PCDHGB3: variants seen among roughly 807,000 people sequenced by gnomAD.
PCDHGB3 encodes the protein protocadherin gamma subfamily B, 3.
Under a neutral mutation model 59.2 loss-of-function variants are expected in PCDHGB3, and 40 were observed. The ratio of observed to expected loss-of-function variants is 0.68; its 90% CI spans 0.52 to 0.88. The LOEUF (loss-of-function observed/expected upper bound fraction) is 0.88, where lower values mean the gene tolerates loss of function less well. Among genes scored for constraint, PCDHGB3 ranks in the 40% least tolerant of loss-of-function variants. PCDHGB3 has a pLI of 0.00. For missense variants in PCDHGB3, 1,309 were observed against 1,187.9 expected, an observed-to-expected ratio of 1.10 and a Z score of -1.50; for synonymous variants, 581 against 503.6, an observed-to-expected ratio of 1.15 and a Z score of -2.06.
At chr5:141,420,625 T>C (rs1440415745) in intron 1 of PCDHGB3, among the ~76,000 whole-genome samples, 1 of 152,242 alleles carries the variant, frequency 6.6e-6, no homozygotes, top group Non-Finnish European at 1.5e-5. Flanking sequence ...CTTCATTTAC[T>C]CAATAAAGGA....
chr5:141,416,006 G>A, intron 1 of PCDHGB3: 1 of 253,216 alleles, frequency 3.9e-6, no homozygotes, highest in Non-Finnish European at 7.3e-6. Context: ...GGTCTGGTAA[G>A]AATAGGTAAG....
At chr5:141,375,731 C>G in intron 1 of PCDHGB3, 2 of 1,614,256 alleles carry the variant, frequency 1.2e-6, no homozygotes, top group Non-Finnish European at 1.7e-6. Context: ...GTCACTGAGC[C>G]TGTTTGTGCT....
chr5:141,431,356 C>T lies in PCDHGB3; in HGVS notation c.2415+58547C>T. ...ACCCCGAATTGGTGCTGAAACGCGC[C>T]CTGGACCGCGAAGAAAAGGCTGCTC... On this transcript the variant is annotated intron_variant, in intron 1 of 3. Transcript: ENST00000576222. This position sits in a 1 kb window ranked among gnomAD's most constrained non-coding sequence, Gnocchi z 4.8. 6.2e-7 allele frequency: 1 copy of T among 1,614,004 alleles called. No individual in the cohort carries two copies. The highest frequency in any genetic ancestry group is 8.5e-7 in the Non-Finnish European group (1 of 1,180,026).
At chr5:141,510,900 G>A in intron 3 of PCDHGB3, 47 bp from the exon 4 acceptor site, 6 of 1,613,378 alleles carry the variant, frequency 3.7e-6, no homozygotes, top group Non-Finnish European at 5.1e-6. Context: ...AGTGACTGTT[G>A]AGGACCCTAA....
intron 1 of PCDHGB3, among the ~76,000 whole-genome samples, chr5:141,402,305 A>AT (rs2150927260): frequency 6.6e-6 from 1 of 152,140 alleles, no homozygotes; most frequent in South Asian, 2.1e-4. Flanking sequence ...GTATTAATAC[A>AT]ATTATATATT....
chr5:141,490,793 C>T lies in PCDHGB3; in HGVS notation c.2416-4014C>T, dbSNP rs2233608. 6 of 1,613,812 alleles carry T rather than the reference C, an allele frequency of 3.7e-6. No homozygotes were observed. The East Asian group carries it at 1.3e-4, about 36-fold the overall frequency. On this transcript the variant is annotated intron_variant, in intron 1 of 3. Transcript: ENST00000576222. This position sits in a 1 kb window ranked among gnomAD's most constrained non-coding sequence, Gnocchi z 5.4. Reference sequence around the variant, plus strand: ...AACCCAGAGGATGGACGGATCTTTGCCCAGCGTACCTTTGACTATGAATTG... The same window carrying T: ...AACCCAGAGGATGGACGGATCTTTGTCCAGCGTACCTTTGACTATGAATTG...
At position 141,487,653 on chromosome 5, in the gene PCDHGB3, A is replaced by C. The variant is rs1033173132; in HGVS notation, c.2416-7154A>C. The C allele has an allele frequency of 3.1e-6, 5 of 1,613,794 alleles. No individual in the cohort carries two copies. Among genetic ancestry groups the C allele is most frequent in the Non-Finnish European group, 4.2e-6 (5 of 1,179,926 alleles). ...CAGGCTCAACAAATGCTTGAGGGTT[A>C]TTCTGATCCAGGCATATGGCTAGGC... On this transcript the variant is annotated intron_variant, in intron 1 of 3. Transcript: ENST00000576222. This position sits in a 1 kb window ranked among gnomAD's most constrained non-coding sequence, Gnocchi z 5.0.
At chr5:141,463,803 A>G (rs975202568) in intron 1 of PCDHGB3, among the ~76,000 whole-genome samples, 1 of 152,150 alleles carries the variant, frequency 6.6e-6, no homozygotes, top group Non-Finnish European at 1.5e-5. Flanking sequence ...AATGTCTAAA[A>G]GCTTTTATCA....
At chr5:141,457,063 G>A (rs1477613746) in intron 1 of PCDHGB3, among the ~76,000 whole-genome samples, 1 of 152,104 alleles carries the variant, frequency 6.6e-6, no homozygotes, top group East Asian at 1.9e-4. Context: ...CTTCCTTTTT[G>A]CCAGTAACTA....
intron 1 of PCDHGB3, among the ~76,000 whole-genome samples, chr5:141,463,393 C>CA (rs955461719): frequency 5.7e-5 from 8 of 140,804 alleles, no homozygotes; most frequent in Non-Finnish European, 7.6e-5. Flanking sequence ...TGTCTCCAGG[C>CA]AAAAAAAATG....
At chr5:141,394,790 G>T (rs776824024) in intron 1 of PCDHGB3, 1 of 1,613,718 alleles carries the variant, frequency 6.2e-7, no homozygotes, top group Non-Finnish European at 8.5e-7. Context: ...CCACTGTCAC[G>T]CTCACCGTAG....
At chr5:141,464,223 CCACTGCA>C (rs916210777) in intron 1 of PCDHGB3, among the ~76,000 whole-genome samples, 4 of 150,824 alleles carry the variant, frequency 2.7e-5, no homozygotes, top group Non-Finnish European at 4.4e-5. Flanking sequence ...TGAGATTGCG[CCACTGCA>C]CTCCAGCCTG....
chr5:141,414,576 G>A, intron 1 of PCDHGB3: 1 of 1,613,898 alleles, frequency 6.2e-7, no homozygotes, highest in Non-Finnish European at 8.5e-7. Context: ...ATATCCCAGA[G>A]AACAACGCCA....
chr5:141,371,538 A>G lies in PCDHGB3; in HGVS notation c.1144A>G (p.Ile382Val). The G allele has an allele frequency of 6.2e-7, 1 of 1,613,804 alleles. No individual in the cohort carries two copies. Among genetic ancestry groups the G allele is most frequent in the Non-Finnish European group, 8.5e-7 (1 of 1,179,760 alleles). ...TCTAGATTCTGGATTTAATGGAGAA[A>G]TCCTATGCCAACTAAAAGGAAACTT... ...HDLDSGFNGE[I>V]LCQLKGNFPF... Residue 382 changes from isoleucine to valine, a missense_variant, in exon 1 of 4, where the codon ATC becomes GTC. By Grantham distance (29) the Ile-to-Val change is conservative. Coordinates refer to ENST00000576222, the MANE Select transcript of PCDHGB3 (RefSeq NM_018924.5).
At chr5:141,417,556 A>C (rs1240389709) in intron 1 of PCDHGB3, 1 of 333,096 alleles carries the variant, frequency 3.0e-6, no homozygotes, top group Non-Finnish European at 5.4e-6. Context: ...TGAAAGAGGT[A>C]GAGAAAAGTC....
At chr5:141,433,391 CTA>C (rs1477426085) in intron 1 of PCDHGB3, among the ~76,000 whole-genome samples, 3 of 151,570 alleles carry the variant, frequency 2.0e-5, no homozygotes, top group African/African-American at 7.3e-5. Context: ...ATCTATCTAT[CTA>C]TCTATCTATC....
chr5:141,419,878 G>T (rs1342215231), intron 1 of PCDHGB3: 1 of 1,613,942 alleles, frequency 6.2e-7, no homozygotes, highest in African/African-American at 1.3e-5. Context: ...AGGTACTGCC[G>T]GATTTCAGCG....
rs201073884 is a variant in PCDHGB3 at position 141,486,264 on chromosome 5, A to C, written c.2416-8543A>C. On this transcript the variant is annotated intron_variant, in intron 1 of 3. Coordinates refer to ENST00000576222, the MANE Select transcript of PCDHGB3 (RefSeq NM_018924.5). This position sits in a 1 kb window ranked among gnomAD's most constrained non-coding sequence, Gnocchi z 5.0. The stretch of plus-strand genomic sequence containing the variant: ...CTTGGAACCCTCCCCGAGAGTGCAG[A>C]ACCTGGCACTGTGGTGGCACTTATC... 8 of 1,614,032 alleles carry C rather than the reference A, an allele frequency of 5.0e-6. No individual in the cohort carries two copies. The East Asian group carries it at 1.6e-4, about 31-fold the overall frequency.
Position 141,384,229 on chromosome 5 carries a change from G to A in PCDHGB3, c.2415+11420G>A, listed in dbSNP as rs571021830. The A allele has an allele frequency of 3.1e-6, 5 of 1,613,904 alleles. No individual in the cohort carries two copies. In the South Asian group the frequency reaches 5.5e-5, roughly 18 times the overall value. On this transcript the variant is annotated intron_variant, in intron 1 of 3. Transcript: ENST00000576222. The stretch of plus-strand genomic sequence containing the variant: ...AACTCACATATTCATGCAGGTGGCA[G>A]ACACCAACGATAACCCACCCACCTT...
Sources: gnomAD v4.1 joint callset for allele counts (sites outside exome capture counted in the v4.1 genomes callset) on GRCh38, gnomAD v4.1.1 for gene constraint, Gnocchi (gnomAD v3.1) non-coding constraint, MANE v1.5 for transcripts, NCBI Gene and HGNC (gene_info 2026-07-23, HGNC 2026-07-21) for gene names.